GALNTL6: variants seen among roughly 807,000 people sequenced by gnomAD.
The protein encoded by GALNTL6 is polypeptide N-acetylgalactosaminyltransferase like 6.
GALNTL6 carries 46 observed loss-of-function variants against 73.7 expected under a neutral mutation model. The ratio of observed to expected loss-of-function variants is 0.62; its 90% confidence interval spans 0.49 to 0.80. The LOEUF (loss-of-function observed/expected upper bound fraction) is 0.80. Ranked by LOEUF, GALNTL6 falls within the 30% of genes least tolerant of loss-of-function variation. The pLI is 0.00. For missense variants in GALNTL6, 604 were observed against 755.0 expected (o/e 0.80, Z 2.34); for synonymous variants, 259 against 263.7 (o/e 0.98, Z 0.17).
intron 2 of GALNTL6, among the ~76,000 whole-genome samples, chr4:172,082,011 G>C (rs1351699391): frequency 6.6e-6 from 1 of 151,838 alleles, no homozygotes; most frequent in South Asian, 2.1e-4. Context: ...TGAGTAGCTG[G>C]GATTACAGGC....
intron 2 of GALNTL6, among the ~76,000 whole-genome samples, chr4:172,015,754 C>A (rs1203339900): frequency 1.3e-5 from 2 of 151,934 alleles, no homozygotes; most frequent in Non-Finnish European, 2.9e-5. Context: ...ATTCCCTCAG[C>A]ATTTGTTTGT....
In GALNTL6 at chr4:173,040,001, C is replaced by A. The variant is rs768375972; in HGVS notation, c.1707C>A (p.Phe569Leu). Reference sequence around the variant, plus strand: ...GCAACCCCGCAGAGAAGAAGATTTTCATGGCCAGATGTGACCCTCTCTCTG... The same window carrying A: ...GCAACCCCGCAGAGAAGAAGATTTTAATGGCCAGATGTGACCCTCTCTCTG... ...MDCNPAEKKIFMARCDPLSET... is the reference protein window; with the variant it reads ...MDCNPAEKKILMARCDPLSET... The change falls in exon 13 of 13, where the codon TTC (phenylalanine) becomes TTA (leucine). Residue 569 changes from phenylalanine to leucine, a missense_variant. This residue lies in a region of GALNTL6 where 261 missense variants were observed against 296.5 expected (regional missense o/e 0.88). Coordinates refer to ENST00000506823, the MANE Select transcript of GALNTL6 (RefSeq NM_001034845.3). 59 of 1,613,544 alleles carry A rather than the reference C, an allele frequency of 3.7e-5. No individual in the cohort carries two copies. Among genetic ancestry groups the A allele is most frequent in the Non-Finnish European group, 1.7e-5 (20 of 1,179,580 alleles).
At chr4:172,395,515 C>G (rs6845369) in intron 5 of GALNTL6, among the ~76,000 whole-genome samples, 2 of 151,936 alleles carry the variant, frequency 1.3e-5, no homozygotes, top group Non-Finnish European at 2.9e-5. Context: ...ATATTTTTCT[C>G]TTGAATATAT....
chr4:172,821,579 A>G (rs547119841), intron 7 of GALNTL6, among the ~76,000 whole-genome samples: 71 of 152,330 alleles, frequency 4.7e-4, no homozygotes, highest in African/African-American at 1.7e-3. Flanking sequence ...GCTTTCAGTT[A>G]CTAATGAAGG....
rs183960843 is a variant in GALNTL6 at position 172,157,274 on chromosome 4, A to G, written c.139-72382A>G. Among the ~76,000 whole-genome samples, 4 of 152,344 alleles carry G rather than the reference A, an allele frequency of 2.6e-5. No homozygotes were observed. In the East Asian group the frequency reaches 5.8e-4, roughly 22 times the overall value. On this transcript the variant is annotated intron_variant, in intron 2 of 12. Transcript: ENST00000506823. Reference sequence around the variant, plus strand: ...GAAAACTATATCGAGTCTCAGAAGAAGGAGCAATGCAGCCTACAAATGATT... The same window carrying G: ...GAAAACTATATCGAGTCTCAGAAGAGGGAGCAATGCAGCCTACAAATGATT...
At chr4:171,984,934 C>T (rs536505605) in intron 2 of GALNTL6, among the ~76,000 whole-genome samples, 6 of 150,846 alleles carry the variant, frequency 4.0e-5, no homozygotes, top group South Asian at 4.2e-4. Context: ...AGGTAGATCA[C>T]GAGGTCAGGA....
intron 5 of GALNTL6, among the ~76,000 whole-genome samples, chr4:172,390,447 T>C (rs1743623980): frequency 6.6e-6 from 1 of 152,224 alleles, no homozygotes; most frequent in Admixed American, 6.5e-5. Flanking sequence ...AAACAATTGA[T>C]AAGTTTTAAA....
At chr4:172,217,664 T>A (rs1360271980) in intron 2 of GALNTL6, among the ~76,000 whole-genome samples, 1 of 152,192 alleles carries the variant, frequency 6.6e-6, no homozygotes, top group Non-Finnish European at 1.5e-5. Context: ...CCATCTTTTC[T>A]AGCTATGTCT....
chr4:172,666,858 G>A (rs1731694423), intron 5 of GALNTL6: 2 of 152,194 alleles, frequency 1.3e-5, no homozygotes, highest in African/African-American at 4.8e-5. Context: ...TGCAGCTCTT[G>A]TGGACTCCAG....
intron 8 of GALNTL6, among the ~76,000 whole-genome samples, chr4:172,922,612 G>A (rs528835957): frequency 6.6e-6 from 1 of 152,280 alleles, no homozygotes; most frequent in South Asian, 2.1e-4. Context: ...GTAAAAGTAA[G>A]GGGGCCCTGA....
At chr4:172,612,521 G>A (rs150307603) in intron 5 of GALNTL6, among the ~76,000 whole-genome samples, 1 of 152,120 alleles carries the variant, frequency 6.6e-6, no homozygotes, top group East Asian at 1.9e-4. Context: ...CTACTCTTGA[G>A]TCACACTGGG....
intron 2 of GALNTL6, among the ~76,000 whole-genome samples, chr4:172,196,506 C>T (rs556898405): frequency 1.3e-5 from 2 of 152,196 alleles, no homozygotes; most frequent in South Asian, 4.2e-4. Flanking sequence ...AAGAAAACTT[C>T]AGGCCAATAT....
At chr4:172,269,649 G>A (rs919054902) in intron 3 of GALNTL6, among the ~76,000 whole-genome samples, 3 of 151,962 alleles carry the variant, frequency 2.0e-5, no homozygotes, top group African/African-American at 7.3e-5. Context: ...GTCAATCTTT[G>A]GAATACATAA....
chr4:171,904,518 T>C (rs1021120324), intron 2 of GALNTL6, among the ~76,000 whole-genome samples: 10 of 152,158 alleles, frequency 6.6e-5, no homozygotes, highest in Non-Finnish European at 1.3e-4. Flanking sequence ...CTGCGTCTGA[T>C]TGGTGTACAT....
intron 3 of GALNTL6, among the ~76,000 whole-genome samples, chr4:172,267,353 G>A (rs1015518591): frequency 6.6e-6 from 1 of 152,130 alleles, no homozygotes; most frequent in African/African-American, 2.4e-5. Context: ...AACAGTAAAA[G>A]CACAGGCTCA....
chr4:172,438,630 T>A (rs768978456), intron 5 of GALNTL6, among the ~76,000 whole-genome samples: 5 of 152,094 alleles, frequency 3.3e-5, no homozygotes, highest in Non-Finnish European at 7.4e-5. Flanking sequence ...GCTTACTCTG[T>A]ACCTCTGTCA....
chr4:171,914,642 C>G (rs1312541461), intron 2 of GALNTL6, among the ~76,000 whole-genome samples: 1 of 151,408 alleles, frequency 6.6e-6, no homozygotes, highest in East Asian at 1.9e-4. Context: ...TCTCAAACTC[C>G]TAACCTCAGG....
intron 7 of GALNTL6, among the ~76,000 whole-genome samples, chr4:172,856,216 CATT>C (rs999360616): frequency 2.6e-5 from 4 of 152,152 alleles, no homozygotes; most frequent in African/African-American, 9.7e-5. Flanking sequence ...AGATTCCTGA[CATT>C]ATCTTTATGC....
At chr4:171,992,320 T>A (rs1355402879) in intron 2 of GALNTL6, among the ~76,000 whole-genome samples, 2 of 152,058 alleles carry the variant, frequency 1.3e-5, no homozygotes, top group African/African-American at 2.4e-5. Flanking sequence ...TAGGAATGAA[T>A]GAAGATTGAT....
Sources: gnomAD v4.1 joint callset for allele counts (sites outside exome capture counted in the v4.1 genomes callset) on GRCh38, gnomAD v4.1.1 for gene constraint, gnomAD v4.1.1 regional missense constraint, MANE v1.5 for transcripts, NCBI Gene and HGNC (gene_info 2026-07-23, HGNC 2026-07-21) for gene names.